RABGEF1: variants seen among roughly 807,000 people sequenced by gnomAD.
The protein encoded by RABGEF1 is RAB guanine nucleotide exchange factor 1, also known as rab5 GDP/GTP exchange factor.
In RABGEF1, 26 loss-of-function variants were observed where a neutral mutation model predicts 57.3. The ratio of observed to expected loss-of-function variants is 0.45; its 90% confidence interval spans 0.33 to 0.63. The LOEUF (loss-of-function observed/expected upper bound fraction) is 0.63. Among genes scored for constraint, RABGEF1 ranks in the 20% least tolerant of loss-of-function variants. The pLI is 0.02. For missense variants in RABGEF1, 464 were observed against 607.6 expected, an observed-to-expected ratio of 0.76 and a Z score of 2.48; for synonymous variants, 185 against 210.7, an observed-to-expected ratio of 0.88 and a Z score of 1.06.
chr7:66,786,298 G>A (rs986621884), intron 4 of RABGEF1, among the ~76,000 whole-genome samples: 1 of 152,118 alleles, frequency 6.6e-6, no homozygotes, highest in African/African-American at 2.4e-5. Flanking sequence ...GATGTTTTTT[G>A]TTTTTAGAAT....
At chr7:66,742,380 A>G (rs2659890) in intron 1 of RABGEF1, among the ~76,000 whole-genome samples, 51,956 of 152,034 alleles carry the variant, frequency 0.34, 9,277 homozygotes, top group Middle Eastern at 0.49. Context: ...AGGAGAAGGG[A>G]CAGTCAAGAT....
chr7:66,796,833 C>A, intron 5 of RABGEF1: 2 of 405,178 alleles, frequency 4.9e-6, no homozygotes, highest in Non-Finnish European at 9.6e-6. Context: ...TCAGGCGATC[C>A]ACCTGCCTCA....
chr7:66,728,069 C>T (rs928972423), intron 2 of RABGEF1, among the ~76,000 whole-genome samples: 12 of 152,196 alleles, frequency 7.9e-5, no homozygotes, highest in African/African-American at 2.9e-4. Context: ...TCTGCCTGGC[C>T]CTGCCTCCGC....
At chr7:66,729,201 C>G (rs752377570) in intron 2 of RABGEF1, among the ~76,000 whole-genome samples, 1 of 151,546 alleles carries the variant, frequency 6.6e-6, no homozygotes, top group Admixed American at 6.6e-5. Context: ...CCACCCACCT[C>G]GGCCTCCCAA....
chr7:66,787,046 G>C (rs1344993318), intron 4 of RABGEF1, among the ~76,000 whole-genome samples: 1 of 152,070 alleles, frequency 6.6e-6, no homozygotes, highest in Non-Finnish European at 1.5e-5. Context: ...TTCTTTTTGA[G>C]ATAGGAGTCT....
rs149706545 is a variant in RABGEF1 at position 66,744,092 on chromosome 7, A to T, written c.-18+3300A>T. Among the ~76,000 whole-genome samples the T allele has an allele frequency of 3.0e-3, 437 of 147,976 alleles. 1 individual carries two copies. The highest frequency in any genetic ancestry group is 5.0e-3 in the Non-Finnish European group (337 of 67,322). Reference sequence around the variant, plus strand: ...TTGATCTGTGACTGGGCTGGAGTGCAGTGGCATGATCTTGGCCACTGCAAC... The same window carrying T: ...TTGATCTGTGACTGGGCTGGAGTGCTGTGGCATGATCTTGGCCACTGCAAC... On this transcript the variant is annotated intron_variant, in intron 1 of 8. Transcript: ENST00000284957.
chr7:66,760,179 C>T (rs1803920832), intron 1 of RABGEF1, among the ~76,000 whole-genome samples: 1 of 152,178 alleles, frequency 6.6e-6, no homozygotes, highest in Non-Finnish European at 1.5e-5. Flanking sequence ...TTTCCTTCCC[C>T]TCCTCTTCCT....
intron 1 of RABGEF1, among the ~76,000 whole-genome samples, chr7:66,709,509 G>C (rs1562721810): frequency 6.6e-6 from 1 of 151,972 alleles, no homozygotes; most frequent in Non-Finnish European, 1.5e-5. Flanking sequence ...TCAAATTGAG[G>C]CTGGGCGCAG....
the RABGEF1 span, among the ~76,000 whole-genome samples, chr7:66,654,943 C>A: frequency 6.6e-6 from 1 of 152,268 alleles, no homozygotes; most frequent in Admixed American, 6.5e-5. Flanking sequence ...TCCCGGCCGC[C>A]TCCCTCTTCG....
At chr7:66,764,223 A>G (rs747878194) in intron 1 of RABGEF1, among the ~76,000 whole-genome samples, 11 of 152,184 alleles carry the variant, frequency 7.2e-5, no homozygotes, top group Non-Finnish European at 1.3e-4. Context: ...TTGATGACTG[A>G]TGATGTGGAA....
the RABGEF1 span, among the ~76,000 whole-genome samples, chr7:66,656,757 T>A: frequency 4.0e-4 from 56 of 140,526 alleles, 1 homozygote; most frequent in Admixed American, 4.0e-3. Context: ...GAGACAGAGG[T>A]TGTGGGGAGT....
chr7:66,727,810 T>G (rs1471019800), intron 2 of RABGEF1, among the ~76,000 whole-genome samples: 1 of 152,170 alleles, frequency 6.6e-6, no homozygotes, highest in Non-Finnish European at 1.5e-5. Context: ...GACAGGTCTG[T>G]GTTCATGTTA....
At position 66,810,866 on chromosome 7, in the gene RABGEF1, A is replaced by G. The variant is rs956200884; in HGVS notation, c.*1582A>G. 5 of 152,232 alleles carry G rather than the reference A, an allele frequency of 3.3e-5. No individual in the cohort carries two copies. Among genetic ancestry groups the G allele is most frequent in the Non-Finnish European group, 5.9e-5 (4 of 68,046 alleles). The allele number at this position is 152,232 out of a possible 1,614,324, so 9.4% of individuals were successfully genotyped here. On this transcript the variant is annotated 3_prime_UTR_variant, in exon 9 of 9. Transcript: ENST00000284957. Reference sequence around the variant, plus strand: ...AACCAGGGTGGGTATAAAACTTCTTATTCTTAAATTTACATATAAGATCTA... The same window carrying G: ...AACCAGGGTGGGTATAAAACTTCTTGTTCTTAAATTTACATATAAGATCTA...
intron 2 of RABGEF1, among the ~76,000 whole-genome samples, chr7:66,772,469 A>G (rs1459565898): frequency 6.6e-6 from 1 of 152,182 alleles, no homozygotes; most frequent in East Asian, 1.9e-4. Context: ...TTTAATATAT[A>G]TTTAGCATGG....
intron 2 of RABGEF1, among the ~76,000 whole-genome samples, chr7:66,718,088 G>A (rs1312389024): frequency 1.3e-5 from 2 of 151,872 alleles, no homozygotes; most frequent in Admixed American, 6.6e-5. Context: ...CAGGCATGGT[G>A]GCCCAGCACT....
chr7:66,680,033 A>G (rs1288308904), upstream of RABGEF1, among the ~76,000 whole-genome samples: 2 of 152,184 alleles, frequency 1.3e-5, no homozygotes, highest in African/African-American at 2.4e-5. Flanking sequence ...CAGTGAGACC[A>G]TATCTCAAAA....
upstream of RABGEF1, among the ~76,000 whole-genome samples, chr7:66,738,449 C>T (rs189896484): frequency 5.6e-4 from 86 of 152,230 alleles, no homozygotes; most frequent in Admixed American, 5.3e-3. Flanking sequence ...TCATTCTGGG[C>T]CCAGGGGTCT....
At chr7:66,797,831 T>C (rs971773829) in intron 6 of RABGEF1, among the ~76,000 whole-genome samples, 1 of 152,194 alleles carries the variant, frequency 6.6e-6, no homozygotes, top group Non-Finnish European at 1.5e-5. Flanking sequence ...AATATCGGTA[T>C]CAAGGCAGGG....
chr7:66,677,779 AAG>A (rs1789388906), upstream of RABGEF1, among the ~76,000 whole-genome samples: 2 of 150,794 alleles, frequency 1.3e-5, no homozygotes, highest in South Asian at 2.1e-4. Context: ...AAAAAAAAAA[AAG>A]AAATCTACAA....
Sources: allele counts gnomAD v4.1 joint callset (sites outside exome capture counted in the v4.1 genomes callset), GRCh38; gene constraint gnomAD v4.1.1; transcripts MANE v1.5; gene names NCBI Gene and HGNC (gene_info 2026-07-23, HGNC 2026-07-21).